ERP27: variants seen among roughly 807,000 people sequenced by gnomAD.
The protein encoded by ERP27 is endoplasmic reticulum resident protein 27.
In ERP27, 23 loss-of-function variants were observed where a neutral mutation model predicts 27.7. That is an observed-to-expected ratio of 0.83 (90% CI 0.60 to 1.18). ERP27 has a LOEUF of 1.18. Ranked by LOEUF, ERP27 falls within the 50% of genes most tolerant of loss-of-function variation. ERP27 has a pLI of 0.00. For synonymous variants in ERP27, 159 were observed against 118.3 expected (o/e 1.34, Z -2.23); for missense variants, 363 against 327.9 (o/e 1.11, Z -0.83).
At chr12:14,922,482 T>TCC (rs1555098743) in intron 3 of ERP27, among the ~76,000 whole-genome samples, 2 of 152,102 alleles carry the variant, frequency 1.3e-5, no homozygotes, top group Non-Finnish European at 2.9e-5. Context: ...GTCTATCTTT[T>TCC]TCTCTGATTT....
In ERP27 at chr12:14,938,474, A is replaced by T; in HGVS notation, c.35T>A (p.Leu12Ter). 1 of 1,614,094 alleles carries T rather than the reference A, an allele frequency of 6.2e-7. No individual in the cohort carries two copies. Among genetic ancestry groups the T allele is most frequent in the Non-Finnish European group, 8.5e-7 (1 of 1,180,004 alleles). Residue 12 changes from leucine to a stop codon, truncating the protein, a stop_gained, in exon 1 of 7, where the codon TTA (leucine) becomes TAA (stop). Coordinates refer to ENST00000266397, the MANE Select transcript of ERP27 (RefSeq NM_152321.4). LOFTEE classifies it high-confidence loss of function. ...AGCCAGCTCACACGTGAGGAGAAAT[A>T]AGAGGAACATGAACCTGGACGGGGC... is the stretch of plus-strand genomic sequence containing the variant. ...EAAPSRFMFL[L>*]FLLTCELAAE... is the part of the protein sequence containing the mutation.
Position 14,914,453 on chromosome 12 carries a change from C to T in ERP27, c.*282G>A. 7.0e-6 allele frequency: 3 copies of T among 431,404 alleles called. No homozygotes were observed. The highest frequency in any genetic ancestry group is 6.0e-5 in the African/African-American group (3 of 50,242). 26.7% of individuals were successfully genotyped at this position (431,404 alleles called of 1,614,324 possible). On this transcript the variant is annotated 3_prime_UTR_variant, in exon 7 of 7. Coordinates refer to ENST00000266397, the MANE Select transcript of ERP27 (RefSeq NM_152321.4). Reference sequence around the variant, plus strand: ...TCTAGGTGTGTTACAGATGGGCTTACAGAGTATGAATGCACGATAAGAAGG... The same window carrying T: ...TCTAGGTGTGTTACAGATGGGCTTATAGAGTATGAATGCACGATAAGAAGG...
chr12:14,935,025 GGTT>G, intron 2 of ERP27, 32 bp from the exon 3 acceptor site: 2 of 1,604,610 alleles, frequency 1.2e-6, no homozygotes, highest in East Asian at 4.5e-5. Flanking sequence ...ATACCACAGT[GGTT>G]ATTTCGAAGG....
At chr12:14,919,948 C>A (rs1212318123) in intron 4 of ERP27, among the ~76,000 whole-genome samples, 1 of 151,614 alleles carries the variant, frequency 6.6e-6, no homozygotes, top group Admixed American at 6.6e-5. Context: ...TCTTCTACCT[C>A]AAAAAAAATC....
intron 3 of ERP27, among the ~76,000 whole-genome samples, chr12:14,924,789 G>A (rs1158455400): frequency 6.6e-6 from 1 of 152,190 alleles, no homozygotes; most frequent in Non-Finnish European, 1.5e-5. Context: ...GGCAGTCTAA[G>A]TCACAGGATG....
chr12:14,930,757 C>A (rs1863685800), intron 3 of ERP27, among the ~76,000 whole-genome samples: 1 of 152,202 alleles, frequency 6.6e-6, no homozygotes, highest in South Asian at 2.1e-4. Context: ...ACATTTCAAG[C>A]ATGAGTAATA....
intron 6 of ERP27, among the ~76,000 whole-genome samples, chr12:14,915,006 T>C (rs941130791): frequency 4.6e-4 from 70 of 152,188 alleles, no homozygotes; most frequent in African/African-American, 1.4e-3. Context: ...CGATATATCC[T>C]AACAAGCATC....
chr12:14,925,337 G>T (rs895809403), intron 3 of ERP27, among the ~76,000 whole-genome samples: 3 of 152,064 alleles, frequency 2.0e-5, no homozygotes, highest in Admixed American at 6.6e-5. Context: ...TAAATTAAGG[G>T]TCATTCCATG....
Position 14,915,108 on chromosome 12 carries a change from T to TCA in ERP27, c.775-327_775-326insTG, listed in dbSNP as rs1863388257. ...TTTTTTAACTTTAATTTTTTTGCTT[T>TCA]TATCTTTGTTTTTAATTGACACATA... On this transcript the variant is annotated intron_variant, in intron 6 of 6. Coordinates refer to ENST00000266397, the MANE Select transcript of ERP27 (RefSeq NM_152321.4). Among the ~76,000 whole-genome samples, 6 of 152,326 alleles carry TCA rather than the reference T, an allele frequency of 3.9e-5. No homozygotes were observed. In the South Asian group the frequency reaches 1.2e-3, roughly 32 times the overall value.
At chr12:14,923,523 CT>C (rs1863546504) in intron 3 of ERP27, among the ~76,000 whole-genome samples, 2 of 151,328 alleles carry the variant, frequency 1.3e-5, no homozygotes, top group African/African-American at 4.9e-5. Context: ...ATCTATCTAT[CT>C]ATCTATCTAT....
chr12:14,936,983 AG>A (rs1470294572), intron 2 of ERP27, among the ~76,000 whole-genome samples: 1 of 152,172 alleles, frequency 6.6e-6, no homozygotes, highest in Non-Finnish European at 1.5e-5. Context: ...TAATTAATTG[AG>A]GCCTCCTCTC....
chr12:14,932,254 A>G (rs1863708092), intron 3 of ERP27, among the ~76,000 whole-genome samples: 1 of 152,226 alleles, frequency 6.6e-6, no homozygotes, highest in African/African-American at 2.4e-5. Flanking sequence ...AAAATGGTAT[A>G]TGAAAATAGA....
chr12:14,921,834 T>C (rs1863508717), intron 3 of ERP27, among the ~76,000 whole-genome samples: 1 of 152,192 alleles, frequency 6.6e-6, no homozygotes, highest in South Asian at 2.1e-4. Context: ...TTGACCATTT[T>C]CATCCTTTCC....
At chr12:14,923,414 T>C (rs1863540186) in intron 3 of ERP27, among the ~76,000 whole-genome samples, 1 of 151,322 alleles carries the variant, frequency 6.6e-6, no homozygotes, top group Non-Finnish European at 1.5e-5. Flanking sequence ...TTTACCACTA[T>C]ATATATAATT....
In ERP27 at chr12:14,914,613, C is replaced by A; in HGVS notation, c.*122G>T. The A allele has an allele frequency of 4.0e-6, 3 of 756,886 alleles. 1 individual carries two copies. The highest frequency in any genetic ancestry group is 3.4e-5 in the South Asian group (2 of 58,772). The allele number at this position is 756,886 out of a possible 1,614,324, so 46.9% of individuals were successfully genotyped here. Reference sequence around the variant, plus strand: ...GTGCACGCGTGCGTGCGTGTGTGCACGTGCGTGTGTGTGTGGTTGGCAGGC... The same window carrying A: ...GTGCACGCGTGCGTGCGTGTGTGCAAGTGCGTGTGTGTGTGGTTGGCAGGC... On this transcript the variant is annotated 3_prime_UTR_variant, in exon 7 of 7. Coordinates refer to ENST00000266397, the MANE Select transcript of ERP27 (RefSeq NM_152321.4).
chr12:14,933,655 C>CT (rs1396189804), intron 3 of ERP27, among the ~76,000 whole-genome samples: 1 of 152,200 alleles, frequency 6.6e-6, no homozygotes, highest in Non-Finnish European at 1.5e-5. Flanking sequence ...TCAATTTACT[C>CT]TTTTTCAGTG....
rs373801438 is a variant in ERP27 at position 14,938,002 on chromosome 12, C to G, written c.145G>C (p.Ala49Pro). ...TCAGTGGCAGCAATGAATTCCATGG[C>G]AGCTGGGACATCTGTGAGCCACGTG... ...EPTWLTDVPAAMEFIAATEVA... is the reference protein window; with the variant it reads ...EPTWLTDVPAPMEFIAATEVA... The change falls in exon 2 of 7, where the codon GCC (alanine) becomes CCC (proline). Residue 49 changes from alanine (A) to proline (P), a missense_variant. Ala to Pro is a conservative substitution (Grantham distance 27). Coordinates refer to ENST00000266397, the MANE Select transcript of ERP27 (RefSeq NM_152321.4). 3.1e-5 allele frequency: 50 copies of G among 1,614,002 alleles called. No homozygotes were observed. The highest frequency in any genetic ancestry group is 4.0e-5 in the Non-Finnish European group (47 of 1,179,992).
At chr12:14,920,632 A>G (rs978617864) in intron 4 of ERP27, among the ~76,000 whole-genome samples, 1 of 152,170 alleles carries the variant, frequency 6.6e-6, no homozygotes. Flanking sequence ...TTGGCCTCCC[A>G]CAGTGCTGGG....
chr12:14,924,212 C>CT (rs1565451028), intron 3 of ERP27, among the ~76,000 whole-genome samples: 1 of 152,180 alleles, frequency 6.6e-6, no homozygotes, highest in African/African-American at 2.4e-5. Context: ...GAACTTCACT[C>CT]TTTTTTATGG....
Sources: allele counts gnomAD v4.1 joint callset (sites outside exome capture counted in the v4.1 genomes callset), GRCh38; gene constraint gnomAD v4.1.1; transcripts MANE v1.5; gene names NCBI Gene and HGNC (gene_info 2026-07-23, HGNC 2026-07-21).